The following CYTH4 variants were observed in gnomAD, a reference collection of about 807,000 sequenced individuals.
The protein encoded by CYTH4 is cytohesin-4.
A neutral mutation model predicts 57.5 loss-of-function variants in CYTH4; 22 were observed. The ratio of observed to expected loss-of-function variants is 0.38; its 90% CI spans 0.27 to 0.55. The LOEUF is 0.55. Ranked by LOEUF, CYTH4 falls within the 20% of genes least tolerant of loss-of-function variation. CYTH4 has a pLI of 0.74. For missense variants in CYTH4, 420 were observed against 535.6 expected, an observed-to-expected ratio of 0.78 and a Z score of 2.13; for synonymous variants, 186 against 206.5, an observed-to-expected ratio of 0.90 and a Z score of 0.85.
intron 6 of CYTH4, 74 bp downstream of exon 6, chr22:37,299,380 C>G: frequency 7.9e-7 from 1 of 1,271,646 alleles, no homozygotes; most frequent in Non-Finnish European, 1.1e-6. Flanking sequence ...TCGCGATCCA[C>G]ATAGCTGACA....
At chr22:37,312,931 C>T (rs572004441) in intron 12 of CYTH4, among the ~76,000 whole-genome samples, 99 of 152,364 alleles carry the variant, frequency 6.5e-4, no homozygotes, top group African/African-American at 2.2e-3. Flanking sequence ...GGGCAGGGGC[C>T]GTGTCCCGGG....
chr22:37,283,255 ATG>A (rs1928430325), intron 1 of CYTH4, among the ~76,000 whole-genome samples: 1 of 152,116 alleles, frequency 6.6e-6, no homozygotes, highest in Non-Finnish European at 1.5e-5. Context: ...TACTAAGACA[ATG>A]TGTCTGGGGA....
At chr22:37,289,339 G>A (rs972671655) in intron 1 of CYTH4, among the ~76,000 whole-genome samples, 13 of 152,218 alleles carry the variant, frequency 8.5e-5, no homozygotes, top group Admixed American at 7.2e-4. Context: ...CACAGGAAGT[G>A]GATGGCCAGG....
rs1929556109 is a variant in CYTH4, at chr22:37,309,440, T to A, written c.808+117T>A. 1.6e-5 allele frequency: 14 copies of A among 892,956 alleles called. No homozygotes were observed. The East Asian group carries it at 3.1e-4, about 20-fold the overall frequency. 55.3% of individuals were successfully genotyped at this position (892,956 alleles called of 1,614,324 possible). ...CCAGCTGACACGAGGCTCACATGCATCCTGGGGGATGGAGTTGGACAGCCC... is the reference window on the plus strand; with the variant it reads ...CCAGCTGACACGAGGCTCACATGCAACCTGGGGGATGGAGTTGGACAGCCC... On this transcript the variant is annotated intron_variant, in intron 9 of 12. Transcript: ENST00000248901.
intron 7 of CYTH4, chr22:37,301,947 C>T (rs988546239): frequency 4.1e-5 from 7 of 168,926 alleles, no homozygotes; most frequent in African/African-American, 1.7e-4. Context: ...GATCCGCCCG[C>T]CTCGACCTCC....
intron 1 of CYTH4, among the ~76,000 whole-genome samples, chr22:37,287,181 G>A (rs1247645269): frequency 6.6e-6 from 1 of 152,086 alleles, no homozygotes; most frequent in African/African-American, 2.4e-5. Flanking sequence ...TCAGAGAAGG[G>A]GCTGGAACAG....
intron 1 of CYTH4, among the ~76,000 whole-genome samples, chr22:37,287,500 C>T (rs1203448945): frequency 1.3e-5 from 2 of 152,242 alleles, no homozygotes; most frequent in Admixed American, 6.5e-5. Context: ...GATTGTTCAC[C>T]TCCAAGGCAA....
chr22:37,285,251 C>T (rs993092320), intron 1 of CYTH4, among the ~76,000 whole-genome samples: 2 of 151,798 alleles, frequency 1.3e-5, no homozygotes, highest in Non-Finnish European at 2.9e-5. Flanking sequence ...CCAGCCTGGG[C>T]GCAAGGGCAG....
intron 8 of CYTH4, among the ~76,000 whole-genome samples, chr22:37,308,776 A>G (rs553364765): frequency 6.7e-6 from 1 of 148,944 alleles, no homozygotes; most frequent in South Asian, 2.2e-4. Flanking sequence ...GCGTGCCTGC[A>G]TGTGTGTATG....
chr22:37,286,073 TC>T (rs1928546340), intron 1 of CYTH4, among the ~76,000 whole-genome samples: 1 of 148,618 alleles, frequency 6.7e-6, no homozygotes, highest in African/African-American at 2.5e-5. Flanking sequence ...TGCCTCAGTT[TC>T]CCCAGCTCTG....
Position 37,282,637 on chromosome 22 carries a change from G to A in CYTH4, c.19+49G>A, listed in dbSNP as rs373997811. ...CTGGGCCTCAGGGTGCTCTCTTTTA[G>A]AATGGGACAGCAGCCCCTGCCTCAC... On this transcript the variant is annotated intron_variant, in intron 1 of 12. Coordinates refer to ENST00000248901, the MANE Select transcript of CYTH4 (RefSeq NM_013385.5). 2.0e-6 allele frequency: 3 copies of A among 1,514,428 alleles called. No individual in the cohort carries two copies. In the African/African-American group the frequency reaches 4.2e-5, roughly 21 times the overall value. 93.8% of individuals were successfully genotyped at this position (1,514,428 alleles called of 1,614,324 possible).
intron 1 of CYTH4, among the ~76,000 whole-genome samples, chr22:37,284,702 A>G (rs1181231311): frequency 1.3e-5 from 2 of 152,032 alleles, no homozygotes; most frequent in Admixed American, 6.5e-5. Flanking sequence ...TCTTCCTTCT[A>G]TGGGCCTCAG....
intron 1 of CYTH4, among the ~76,000 whole-genome samples, chr22:37,287,189 C>T (rs1928589887): frequency 6.6e-6 from 1 of 152,162 alleles, no homozygotes; most frequent in Non-Finnish European, 1.5e-5. Flanking sequence ...GGGGCTGGAA[C>T]AGAGGATGTG....
In CYTH4 at chr22:37,310,777, C is replaced by T. The variant is rs374204043; in HGVS notation, c.809-211C>T. ...CACGGAGGCCACCCAAACGCCAGCT[C>T]AAGCAGCTCCAGGGAAGCCTGGGGA... On this transcript the variant is annotated intron_variant, in intron 9 of 12. Coordinates refer to ENST00000248901, the MANE Select transcript of CYTH4 (RefSeq NM_013385.5). Among the ~76,000 whole-genome samples the T allele has an allele frequency of 2.0e-5, 3 of 152,270 alleles. No individual in the cohort carries two copies. The East Asian group carries it at 5.8e-4, about 29-fold the overall frequency.
chr22:37,313,847 C>T lies in CYTH4; in HGVS notation c.*336C>T, dbSNP rs1044815503. On this transcript the variant is annotated 3_prime_UTR_variant, in exon 13 of 13. Coordinates refer to ENST00000248901, the MANE Select transcript of CYTH4 (RefSeq NM_013385.5). ...TCTTCTCTCTGGACTTCGGTGTCCT[C>T]GGCTCTGAAGGCGCTCTCTGCACTT... 9 of 330,794 alleles carry T rather than the reference C, an allele frequency of 2.7e-5. No individual in the cohort carries two copies. The highest frequency in any genetic ancestry group is 4.7e-5 in the South Asian group (1 of 21,444). 20.5% of individuals were successfully genotyped at this position (330,794 alleles called of 1,614,324 possible). A position where few individuals can be genotyped will look rare whatever the true frequency, so the allele number is the denominator to read the frequency against.
In CYTH4 at chr22:37,312,022, C is replaced by T; in HGVS notation, c.960C>T (p.Phe320=). The change falls in exon 12 of 13, where the codon TTC becomes TTT. Residue 320 remains phenylalanine, a splice_region_variant and synonymous_variant. Transcript: ENST00000248901. The part of the protein sequence containing the change: ...VQKVDDPKKP[F]CLELYNPSCR... ...CTTGCCTGGCCACCTCCCCACAGTT[C>T]TGCCTGGAGCTCTACAACCCTAGCT... The T allele has an allele frequency of 6.2e-7, 1 of 1,613,162 alleles. No individual in the cohort carries two copies. The highest frequency in any genetic ancestry group is 8.5e-7 in the Non-Finnish European group (1 of 1,179,402).
chr22:37,310,984 G>T lies in CYTH4; in HGVS notation c.809-4G>T, dbSNP rs754120263. ...GACCAGCTTGCTACATTGGCCTTGC[G>T]CAGGGGGCCGCGTGAAGACGTGGAA... On this transcript the variant is annotated splice_polypyrimidine_tract_variant and splice_region_variant and intron_variant, in intron 9 of 12. Coordinates refer to ENST00000248901, the MANE Select transcript of CYTH4 (RefSeq NM_013385.5). The T allele has an allele frequency of 3.7e-6, 6 of 1,614,106 alleles. No individual in the cohort carries two copies. In the South Asian group the frequency reaches 5.5e-5, roughly 15 times the overall value.
intron 1 of CYTH4, among the ~76,000 whole-genome samples, chr22:37,284,949 G>A (rs567695441): frequency 1.1e-5 from 1 of 87,072 alleles, no homozygotes; most frequent in Non-Finnish European, 3.1e-5. Flanking sequence ...TGGGGCGGTG[G>A]GGGGGCGGCG....
intron 2 of CYTH4, among the ~76,000 whole-genome samples, chr22:37,294,373 G>C (rs908506874): frequency 2.0e-5 from 3 of 152,002 alleles, no homozygotes; most frequent in Non-Finnish European, 4.4e-5. Context: ...TTGGAAAAAG[G>C]ATGGGCAAGG....
Sources: gnomAD v4.1 joint callset for allele counts (sites outside exome capture counted in the v4.1 genomes callset) on GRCh38, gnomAD v4.1.1 for gene constraint, MANE v1.5 for transcripts, NCBI Gene and HGNC (gene_info 2026-07-23, HGNC 2026-07-21) for gene names.